Variants in PPP1R1C observed in about 807,000 individuals in gnomAD.
PPP1R1C encodes protein phosphatase 1 regulatory inhibitor subunit 1C, also known as protein phosphatase 1 regulatory subunit 1C.
In PPP1R1C, 15 loss-of-function variants were observed where a neutral mutation model predicts 17.4. The observed-to-expected ratio is 0.86, with a 90% CI of 0.58 to 1.33. The LOEUF is 1.33. Among genes scored for constraint, PPP1R1C ranks in the 40% most tolerant of loss-of-function variants. The pLI, the probability that PPP1R1C is intolerant of heterozygous loss-of-function variation, is 0.00. For synonymous variants in PPP1R1C, 35 were observed against 43.1 expected (o/e 0.81, Z 0.73); for missense variants, 143 against 130.0 (o/e 1.10, Z -0.48).
At chr2:182,113,996 A>G in intron 4 of PPP1R1C, among the ~76,000 whole-genome samples, 1 of 152,190 alleles carries the variant, frequency 6.6e-6, no homozygotes, top group East Asian at 1.9e-4. Flanking sequence ...AGAAGAGAAT[A>G]AGTATTATAT....
intron 4 of PPP1R1C, among the ~76,000 whole-genome samples, chr2:182,090,420 A>C (rs1190600138): frequency 1.3e-5 from 2 of 152,084 alleles, no homozygotes; most frequent in East Asian, 3.9e-4. Flanking sequence ...TGGGGAGGTA[A>C]TTGGTAAAGA....
At chr2:182,067,968 A>G (rs556072542) in intron 4 of PPP1R1C, among the ~76,000 whole-genome samples, 3 of 152,218 alleles carry the variant, frequency 2.0e-5, no homozygotes, top group African/African-American at 7.2e-5. Flanking sequence ...AGATGCCATT[A>G]CTGAACCGGT....
At chr2:182,007,970 A>G (rs1685973007) in intron 2 of PPP1R1C, among the ~76,000 whole-genome samples, 1 of 152,188 alleles carries the variant, frequency 6.6e-6, no homozygotes, top group African/African-American at 2.4e-5. Context: ...CGGGAGGCTG[A>G]GGCAGGAGAA....
chr2:182,076,437 C>CT, intron 4 of PPP1R1C, among the ~76,000 whole-genome samples: 1 of 151,260 alleles, frequency 6.6e-6, no homozygotes, highest in South Asian at 2.1e-4. Context: ...GTCTGTTCAT[C>CT]TTTTTTAAAA....
chr2:181,981,700 A>G (rs1025440018), upstream of PPP1R1C, among the ~76,000 whole-genome samples: 1 of 152,238 alleles, frequency 6.6e-6, no homozygotes, highest in African/African-American at 2.4e-5. Context: ...TGAAAGCCCA[A>G]TAATATTGTC....
intron 2 of PPP1R1C, among the ~76,000 whole-genome samples, chr2:182,009,417 T>A (rs957547222): frequency 2.0e-5 from 3 of 152,120 alleles, no homozygotes; most frequent in African/African-American, 7.2e-5. Flanking sequence ...CTATTTGCCA[T>A]TTGTATCTCT....
intron 2 of PPP1R1C, among the ~76,000 whole-genome samples, chr2:182,022,357 A>T (rs1250959482): frequency 6.6e-6 from 1 of 152,238 alleles, no homozygotes; most frequent in East Asian, 1.9e-4. Flanking sequence ...ACAATTTAAT[A>T]AAGTTGCCTT....
chr2:181,983,954 G>C (rs902526538), upstream of PPP1R1C, among the ~76,000 whole-genome samples: 1 of 152,102 alleles, frequency 6.6e-6, no homozygotes, highest in African/African-American at 2.4e-5. Flanking sequence ...TATTGTCTCT[G>C]ATCAACCTAT....
chr2:182,105,501 G>A (rs1431531681), intron 4 of PPP1R1C, among the ~76,000 whole-genome samples: 1 of 152,136 alleles, frequency 6.6e-6, no homozygotes, highest in Non-Finnish European at 1.5e-5. Context: ...GGGCAAAGGT[G>A]TGGGGGTCTA....
rs1684695564 is a variant in PPP1R1C, at chr2:181,957,744, T to C, written n.111+3110T>C. 6.6e-6 allele frequency among the ~76,000 whole-genome samples: 1 copy of C among 152,208 alleles called. No homozygotes were observed. The highest frequency in any genetic ancestry group is 1.5e-5 in the Non-Finnish European group (1 of 68,034). ...TCAGCTCCCCTTTCCTTGCAAGGCT[T>C]GTACTTTGGACTTTTCTGAACACCA... is the stretch of plus-strand genomic sequence containing the variant. On this transcript the variant is annotated intron_variant and non_coding_transcript_variant, in intron 1 of 5. Coordinates refer to the PPP1R1C transcript ENST00000464264. This position sits in a 1 kb window ranked among gnomAD's most constrained non-coding sequence, Gnocchi z 4.2.
chr2:182,058,780 A>C (rs2125194520), intron 2 of PPP1R1C, among the ~76,000 whole-genome samples: 1 of 152,200 alleles, frequency 6.6e-6, no homozygotes, highest in South Asian at 2.1e-4. Flanking sequence ...TGCCAGCCTC[A>C]ACCATGGCTC....
At chr2:182,081,374 A>T (rs532637445) in intron 4 of PPP1R1C, among the ~76,000 whole-genome samples, 1 of 152,304 alleles carries the variant, frequency 6.6e-6, no homozygotes, top group Non-Finnish European at 1.5e-5. Flanking sequence ...TGAGTGCCTT[A>T]ACCTCTTTTC....
intron 4 of PPP1R1C, among the ~76,000 whole-genome samples, chr2:182,107,566 A>T (rs1395639834): frequency 6.6e-6 from 1 of 152,124 alleles, no homozygotes; most frequent in Non-Finnish European, 1.5e-5. Context: ...CCTACTCCTC[A>T]CCTTCTCTTA....
chr2:181,987,988 A>G lies in PPP1R1C; in HGVS notation c.142+89A>G, dbSNP rs1018057040. On this transcript the variant is annotated intron_variant, in intron 2 of 4. Transcript: ENST00000682840. ...GTACATGTCGTACTGAAAAGTTTCA[A>G]TTTAGGATTTCACAGTTAGCAATAC... 1.2e-5 allele frequency: 13 copies of G among 1,099,888 alleles called. No homozygotes were observed. The African/African-American group carries it at 1.9e-4, about 16-fold the overall frequency. 68.1% of individuals were successfully genotyped at this position (1,099,888 alleles called of 1,614,324 possible).
intron 2 of PPP1R1C, among the ~76,000 whole-genome samples, chr2:182,043,859 A>T (rs549374162): frequency 3.3e-5 from 5 of 151,914 alleles, no homozygotes; most frequent in African/African-American, 9.7e-5. Flanking sequence ...GGTGCTGAAG[A>T]CTCCTAAATC....
At chr2:182,064,977 A>G (rs1263948065) in intron 4 of PPP1R1C, among the ~76,000 whole-genome samples, 1 of 152,078 alleles carries the variant, frequency 6.6e-6, no homozygotes, top group African/African-American at 2.4e-5. Context: ...TACTGTTCTC[A>G]TGTCCTCAGA....
At chr2:181,964,116 C>G (rs1322568355) in intron 1 of PPP1R1C, among the ~76,000 whole-genome samples, 1 of 152,198 alleles carries the variant, frequency 6.6e-6, no homozygotes, top group Non-Finnish European at 1.5e-5. Context: ...TCCACAAGTA[C>G]ACGTCCCAGC....
At chr2:182,083,279 G>T (rs1217749447) in intron 4 of PPP1R1C, among the ~76,000 whole-genome samples, 1 of 152,096 alleles carries the variant, frequency 6.6e-6, no homozygotes, top group African/African-American at 2.4e-5. Flanking sequence ...TAGTTTTAGA[G>T]GTACAGGTGG....
intron 1 of PPP1R1C, among the ~76,000 whole-genome samples, chr2:181,963,529 C>G (rs542768045): frequency 6.6e-6 from 1 of 152,242 alleles, no homozygotes; most frequent in African/African-American, 2.4e-5. Context: ...ATCCCAGCTA[C>G]TCAGGAGGCT....
Sources: allele counts gnomAD v4.1 joint callset (sites outside exome capture counted in the v4.1 genomes callset), GRCh38; gene constraint gnomAD v4.1.1; non-coding constraint Gnocchi (gnomAD v3.1); transcripts MANE v1.5; gene names NCBI Gene and HGNC (gene_info 2026-07-23, HGNC 2026-07-21).